SGCZ: variants seen among roughly 807,000 people sequenced by gnomAD.
SGCZ encodes the protein zeta-sarcoglycan.
Under a neutral mutation model 41.3 loss-of-function variants are expected in SGCZ, and 40 were observed. The ratio of observed to expected loss-of-function variants is 0.97; its 90% CI spans 0.75 to 1.26. The LOEUF is 1.26. Ranked by LOEUF, SGCZ falls within the 50% of genes most tolerant of loss-of-function variation. The probability of loss-of-function intolerance (pLI) is 0.00; values close to 1 mark genes in which losing one functional copy is unlikely to be tolerated. For missense variants in SGCZ, 552 were observed against 369.8 expected (o/e 1.49, Z -4.04); for synonymous variants, 206 against 137.5 (o/e 1.50, Z -3.49).
chr8:15,125,624 T>G (rs1383059023), intron 1 of SGCZ, among the ~76,000 whole-genome samples: 1 of 152,152 alleles, frequency 6.6e-6, no homozygotes, highest in Admixed American at 6.5e-5. Flanking sequence ...CCCAATATAC[T>G]CTGGAATATA....
At chr8:14,452,102 G>T (rs746873085) in intron 2 of SGCZ, among the ~76,000 whole-genome samples, 1 of 152,110 alleles carries the variant, frequency 6.6e-6, no homozygotes, top group Non-Finnish European at 1.5e-5. Context: ...TAGATGAGTG[G>T]ATACACAGGG....
At chr8:14,379,776 G>C (rs1804290191) in intron 2 of SGCZ, among the ~76,000 whole-genome samples, 1 of 152,010 alleles carries the variant, frequency 6.6e-6, no homozygotes, top group Non-Finnish European at 1.5e-5. Flanking sequence ...CTGCTGCCCA[G>C]GCTGGAGTAC....
chr8:14,142,111 G>T (rs866761835), intron 5 of SGCZ, among the ~76,000 whole-genome samples: 76 of 152,244 alleles, frequency 5.0e-4, no homozygotes, highest in African/African-American at 1.8e-3. Flanking sequence ...GGTGGGAATT[G>T]AACAATGAGA....
intron 4 of SGCZ, among the ~76,000 whole-genome samples, chr8:14,198,685 G>T (rs922685921): frequency 1.3e-5 from 2 of 152,142 alleles, no homozygotes; most frequent in Non-Finnish European, 2.9e-5. Flanking sequence ...ATTCTGTTGC[G>T]TGAAGTCAGG....
intron 2 of SGCZ, among the ~76,000 whole-genome samples, chr8:14,444,247 A>G (rs1405387331): frequency 6.6e-6 from 1 of 152,160 alleles, no homozygotes; most frequent in East Asian, 1.9e-4. Context: ...TGTGGAAGTC[A>G]GTGTGGCGAT....
chr8:14,750,576 T>G (rs771554955), intron 1 of SGCZ, among the ~76,000 whole-genome samples: 4 of 152,090 alleles, frequency 2.6e-5, no homozygotes, highest in Non-Finnish European at 4.4e-5. Flanking sequence ...ATTTTAAACA[T>G]GTAGGTTCCA....
At chr8:14,760,224 A>G (rs898044974) in intron 1 of SGCZ, among the ~76,000 whole-genome samples, 2 of 152,226 alleles carry the variant, frequency 1.3e-5, no homozygotes, top group African/African-American at 4.8e-5. Context: ...CCAAAGCCCA[A>G]TGAAAACAAG....
chr8:14,618,554 G>T (rs886510480), intron 1 of SGCZ, among the ~76,000 whole-genome samples: 1 of 152,128 alleles, frequency 6.6e-6, no homozygotes, highest in African/African-American at 2.4e-5. Flanking sequence ...TAACAAGAGT[G>T]GAAATAGGTC....
In SGCZ at chr8:14,232,136, C is replaced by CATAT. The variant is rs10695784; in HGVS notation, c.424+5452_424+5455dup. On this transcript the variant is annotated intron_variant, in intron 4 of 7. Transcript: ENST00000382080. ...TCTAATCAAACAAATCTTCTTTCAT[C>CATAT]ATATATATATACATATATATTTAAT... Among the ~76,000 whole-genome samples, 1,101 of 150,106 alleles carry CATAT rather than the reference C, an allele frequency of 7.3e-3. 12 individuals are homozygous for CATAT. The highest frequency in any genetic ancestry group is 0.028 in the Middle Eastern group (8 of 282).
intron 4 of SGCZ, among the ~76,000 whole-genome samples, chr8:14,186,186 A>G (rs1167480786): frequency 6.6e-6 from 1 of 152,238 alleles, no homozygotes; most frequent in African/African-American, 2.4e-5. Context: ...CATGCCGTCC[A>G]GTAAAACAGC....
intron 1 of SGCZ, among the ~76,000 whole-genome samples, chr8:14,814,673 G>A (rs982532679): frequency 2.0e-5 from 3 of 152,126 alleles, no homozygotes; most frequent in East Asian, 1.9e-4. Context: ...TTGCCAGCTC[G>A]GCAGGTAGGA....
chr8:15,052,734 T>C (rs921716), intron 1 of SGCZ, among the ~76,000 whole-genome samples: 141,771 of 152,216 alleles, frequency 0.93, 66,058 homozygotes, highest in East Asian at 1. Flanking sequence ...ATAAATTTCA[T>C]CCTTAAACAT....
At chr8:14,430,360 T>C (rs1799909703) in intron 2 of SGCZ, among the ~76,000 whole-genome samples, 2 of 152,066 alleles carry the variant, frequency 1.3e-5, no homozygotes, top group African/African-American at 4.8e-5. Flanking sequence ...ATCAAGTGGG[T>C]TTCATACCAG....
intron 1 of SGCZ, among the ~76,000 whole-genome samples, chr8:15,133,762 G>C (rs1287409381): frequency 2.6e-5 from 4 of 152,110 alleles, no homozygotes; most frequent in South Asian, 2.1e-4. Flanking sequence ...GACCATATCA[G>C]AAGAGATTAG....
At chr8:14,485,051 A>T (rs1221528845) in intron 2 of SGCZ, among the ~76,000 whole-genome samples, 1 of 152,228 alleles carries the variant, frequency 6.6e-6, no homozygotes, top group Non-Finnish European at 1.5e-5. Flanking sequence ...ATAATTATTT[A>T]AAGCAAGAAA....
chr8:15,147,616 G>T (rs188429445), intron 1 of SGCZ, among the ~76,000 whole-genome samples: 1 of 152,060 alleles, frequency 6.6e-6, no homozygotes, highest in Non-Finnish European at 1.5e-5. Context: ...GTGATTTTCC[G>T]CTGAAAGTTG....
chr8:14,930,109 T>C (rs1388337379), intron 1 of SGCZ, among the ~76,000 whole-genome samples: 1 of 151,954 alleles, frequency 6.6e-6, no homozygotes, highest in Admixed American at 6.6e-5. Context: ...TATGATATTG[T>C]GAATTAAATG....
chr8:14,794,019 A>G (rs2130478093), intron 1 of SGCZ, among the ~76,000 whole-genome samples: 1 of 152,338 alleles, frequency 6.6e-6, no homozygotes, highest in African/African-American at 2.4e-5. Flanking sequence ...ACTTTGGAGA[A>G]TATGATGTCC....
intron 1 of SGCZ, among the ~76,000 whole-genome samples, chr8:14,813,259 A>G (rs1563287516): frequency 6.6e-6 from 1 of 152,202 alleles, no homozygotes; most frequent in Non-Finnish European, 1.5e-5. Flanking sequence ...ATACAGGAAT[A>G]CATGTACATT....
Sources: gnomAD v4.1 joint callset for allele counts (sites outside exome capture counted in the v4.1 genomes callset) on GRCh38, gnomAD v4.1.1 for gene constraint, MANE v1.5 for transcripts, NCBI Gene and HGNC (gene_info 2026-07-23, HGNC 2026-07-21) for gene names.